KIAA0586: variants seen among roughly 807,000 people sequenced by gnomAD.
The protein encoded by KIAA0586 is KIAA0586.
In KIAA0586, 144 loss-of-function variants were observed where a neutral mutation model predicts 169.8. The ratio of observed to expected loss-of-function variants is 0.85; its 90% CI spans 0.74 to 0.97. KIAA0586 has a LOEUF of 0.97. Ranked by LOEUF, KIAA0586 falls within the 50% of genes least tolerant of loss-of-function variation. The pLI is 0.00. For missense variants in KIAA0586, 1,854 were observed against 1,823.0 expected, an observed-to-expected ratio of 1.02 and a Z score of -0.31; for synonymous variants, 625 against 612.4, an observed-to-expected ratio of 1.02 and a Z score of -0.30.
chr14:58,509,144 C>T (rs1038827009), intron 28 of KIAA0586, among the ~76,000 whole-genome samples: 2 of 151,962 alleles, frequency 1.3e-5, no homozygotes, highest in African/African-American at 2.4e-5. Flanking sequence ...TGCTTGTGCC[C>T]GGGAGGCAGA....
In KIAA0586 at chr14:58,487,037, C is replaced by T. The variant is rs1267215839; in HGVS notation, c.3175C>T (p.Gln1059Ter). 1 of 1,612,428 alleles carries T rather than the reference C, an allele frequency of 6.2e-7. No individual in the cohort carries two copies. Among genetic ancestry groups the T allele is most frequent in the Non-Finnish European group, 8.5e-7 (1 of 1,178,954 alleles). Residue 1059 changes from glutamine to a stop codon, truncating the protein, a stop_gained, in exon 22 of 31, where the codon CAG (glutamine) becomes TAG (stop). Transcript: ENST00000652326. LOFTEE classifies it high-confidence loss of function. ...AGTGTGCACCCCACTGCCTACCCCA[C>T]AGCCTACGCCTCCTTGCTCACCTTC... ...ARVCTPLPTP[Q>*]PTPPCSPSSP...
downstream of KIAA0586, among the ~76,000 whole-genome samples, chr14:58,552,256 T>C (rs938047668): frequency 4.6e-5 from 7 of 152,174 alleles, no homozygotes; most frequent in African/African-American, 1.7e-4. Context: ...AGGCAGTGTT[T>C]TTATTTGACC....
At chr14:58,507,108 A>G (rs1052850001) in intron 27 of KIAA0586, among the ~76,000 whole-genome samples, 5 of 150,850 alleles carry the variant, frequency 3.3e-5, no homozygotes, top group African/African-American at 1.2e-4. Flanking sequence ...TGATCATGCC[A>G]TTGCACTCCA....
rs750520032 is a variant in KIAA0586, at chr14:58,497,118, G to A, written c.3991-1665G>A. On this transcript the variant is annotated intron_variant, in intron 26 of 30. Transcript: ENST00000652326. ...GCCTCTCGAGTAGCTGGGGTTACAGGCATGCACTACCATGCCCGCTAATTT... is the reference window on the plus strand; with the variant it reads ...GCCTCTCGAGTAGCTGGGGTTACAGACATGCACTACCATGCCCGCTAATTT... 2.6e-5 allele frequency among the ~76,000 whole-genome samples: 4 copies of A among 151,864 alleles called. No individual in the cohort carries two copies. The South Asian group carries it at 6.3e-4, about 24-fold the overall frequency.
intron 21 of KIAA0586, among the ~76,000 whole-genome samples, chr14:58,484,184 G>T (rs1415275768): frequency 6.6e-6 from 1 of 152,110 alleles, no homozygotes; most frequent in African/African-American, 2.4e-5. Flanking sequence ...AATAAAGATA[G>T]AATACTTAGT....
At chr14:58,528,470 C>G (rs927316263) in intron 29 of KIAA0586, among the ~76,000 whole-genome samples, 1 of 152,166 alleles carries the variant, frequency 6.6e-6, no homozygotes, top group African/African-American at 2.4e-5. Context: ...CACTCCTCAG[C>G]AAATGCAAAA....
chr14:58,507,534 T>C (rs1280292522), intron 27 of KIAA0586, among the ~76,000 whole-genome samples: 1 of 151,808 alleles, frequency 6.6e-6, no homozygotes, highest in Admixed American at 6.6e-5. Flanking sequence ...TGCTTCTTGC[T>C]AGCTCTTTGA....
chr14:58,530,164 A>G (rs932629723), intron 29 of KIAA0586, among the ~76,000 whole-genome samples: 1 of 152,172 alleles, frequency 6.6e-6, no homozygotes, highest in African/African-American at 2.4e-5. Context: ...TTTCAAGGAG[A>G]ACTACAAACC....
upstream of KIAA0586, chr14:58,427,709 G>A: frequency 6.5e-7 from 1 of 1,535,160 alleles, no homozygotes; most frequent in Non-Finnish European, 8.7e-7. Context: ...TTGACCTGCG[G>A]GCAACTGACG....
At chr14:58,450,992 T>C (rs997436830) in intron 8 of KIAA0586, among the ~76,000 whole-genome samples, 1 of 148,434 alleles carries the variant, frequency 6.7e-6, no homozygotes. Flanking sequence ...ACTTTTTTTT[T>C]TTTTTTTTTT....
chr14:58,458,001 G>A (rs754470264), intron 11 of KIAA0586, 22 bp downstream of exon 11: 5 of 1,485,002 alleles, frequency 3.4e-6, no homozygotes, highest in Non-Finnish European at 4.6e-6. Context: ...TTGGCATCCA[G>A]GGTTATTTAT....
At chr14:58,472,134 A>T in intron 17 of KIAA0586, 65 bp from the exon 18 acceptor site, 2 of 782,266 alleles carry the variant, frequency 2.6e-6, no homozygotes, top group South Asian at 4.0e-5. Context: ...TGGAAATATG[A>T]TAAATTACTT....
At chr14:58,559,718 AG>A in the KIAA0586 span, among the ~76,000 whole-genome samples, 1 of 152,204 alleles carries the variant, frequency 6.6e-6, no homozygotes, top group African/African-American at 2.4e-5. Context: ...GGAGCAGAAT[AG>A]GATGTCAGGA....
chr14:58,472,318 C>T (rs2041284968), intron 18 of KIAA0586, 39 bp downstream of exon 18: 1 of 1,211,398 alleles, frequency 8.3e-7, no homozygotes, highest in Non-Finnish European at 1.1e-6. Context: ...TATTTTTCTA[C>T]CGGTATTTTT....
chr14:58,523,048 ATATC>A (rs1305380428), intron 29 of KIAA0586, among the ~76,000 whole-genome samples: 1 of 152,062 alleles, frequency 6.6e-6, no homozygotes, highest in African/African-American at 2.4e-5. Context: ...TATAATATCT[ATATC>A]TATGTCATAT....
intron 19 of KIAA0586, among the ~76,000 whole-genome samples, chr14:58,475,072 C>G (rs1595269382): frequency 6.6e-6 from 1 of 152,314 alleles, no homozygotes; most frequent in Middle Eastern, 3.4e-3. Context: ...TCCAGTGATT[C>G]ATTTCCAGAA....
chr14:58,493,567 T>C (rs187084229), intron 26 of KIAA0586, among the ~76,000 whole-genome samples: 225 of 152,304 alleles, frequency 1.5e-3, no homozygotes, highest in African/African-American at 5.1e-3. Context: ...TGGTTGGTTT[T>C]ATTTTCTGTT....
Position 58,443,724 on chromosome 14 carries a change from AT to A in KIAA0586, c.586-221del, listed in dbSNP as rs894760054. Among the ~76,000 whole-genome samples, 116 of 151,184 alleles carry A rather than the reference AT, an allele frequency of 7.7e-4. 1 individual carries two copies. The highest frequency in any genetic ancestry group is 1.2e-3 in the African/African-American group (51 of 41,142). ...AGGTGTGAGCCACCGCGCCTGGCCAATTTTTTTTTCTTTTGTTTGAGAGGAA... is the reference window on the plus strand; with the variant it reads ...AGGTGTGAGCCACCGCGCCTGGCCAATTTTTTTTCTTTTGTTTGAGAGGAA... On this transcript the variant is annotated intron_variant, in intron 5 of 30. Coordinates refer to ENST00000652326, the MANE Select transcript of KIAA0586 (RefSeq NM_001329943.3).
At chr14:58,556,627 CT>C in the KIAA0586 span, among the ~76,000 whole-genome samples, 1 of 152,092 alleles carries the variant, frequency 6.6e-6, no homozygotes, top group Non-Finnish European at 1.5e-5. Flanking sequence ...CCATCAGTTA[CT>C]TTTGTTTATT....
Sources: allele counts gnomAD v4.1 joint callset (sites outside exome capture counted in the v4.1 genomes callset), GRCh38; gene constraint gnomAD v4.1.1; transcripts MANE v1.5; gene names NCBI Gene and HGNC (gene_info 2026-07-23, HGNC 2026-07-21).